Variants in RNF130 observed in about 807,000 individuals in gnomAD.
The protein encoded by RNF130 is E3 ubiquitin-protein ligase RNF130.
In RNF130, 21 loss-of-function variants were observed where a neutral mutation model predicts 44.6. That is an observed-to-expected ratio of 0.47 (90% CI 0.33 to 0.68). The LOEUF is 0.68. RNF130 is among the 30% of genes least tolerant of loss of function. The probability of loss-of-function intolerance (pLI) is 0.02; values close to 1 mark genes in which losing one functional copy is unlikely to be tolerated. For missense variants in RNF130, 479 were observed against 560.6 expected, an observed-to-expected ratio of 0.85 and a Z score of 1.47; for synonymous variants, 214 against 210.4, an observed-to-expected ratio of 1.02 and a Z score of -0.15.
chr5:180,071,530 C>A lies in RNF130; in HGVS notation c.173G>T (p.Arg58Leu). The change falls in exon 1 of 9, where the codon CGC becomes CTC. Residue 58 changes from arginine to leucine, a missense_variant. Around this residue, in one of 3 missense-constraint regions of RNF130, gnomAD observed 138 missense variants for 126.9 expected, o/e 1.09. Transcript: ENST00000521389. ...GGGGGAGTCAAGCCCGTAGCGCCCG[C>A]GGTCGATGCGAAACGTGAGCGGGGC... is the stretch of plus-strand genomic sequence containing the variant. ...RGAPLTFRID[R>L]GRYGLDSPKA... 1 of 1,376,126 alleles carries A rather than the reference C, an allele frequency of 7.3e-7. No individual in the cohort carries two copies. The highest frequency in any genetic ancestry group is 1.9e-5 in the South Asian group (1 of 53,248). The allele number at this position is 1,376,126 out of a possible 1,614,324, so 85.2% of individuals were successfully genotyped here.
intron 1 of RNF130, among the ~76,000 whole-genome samples, chr5:180,066,468 C>T (rs1765109615): frequency 6.6e-6 from 1 of 152,172 alleles, no homozygotes; most frequent in South Asian, 2.1e-4. Context: ...GACTAATATA[C>T]TCCCCAACAT....
At chr5:179,953,763 A>T (rs1468859797), downstream of RNF130, among the ~76,000 whole-genome samples, 1 of 152,236 alleles carries the variant, frequency 6.6e-6, no homozygotes, top group Non-Finnish European at 1.5e-5. Flanking sequence ...AACATATTCA[A>T]CTTCATCTAA....
intron 1 of RNF130, among the ~76,000 whole-genome samples, chr5:180,050,954 C>T (rs1050471212): frequency 6.6e-6 from 1 of 152,036 alleles, no homozygotes; most frequent in Admixed American, 6.6e-5. Context: ...CAGGCATGCA[C>T]CACCATGCCT....
At chr5:180,048,533 G>A (rs1401986463) in intron 1 of RNF130, among the ~76,000 whole-genome samples, 1 of 152,152 alleles carries the variant, frequency 6.6e-6, no homozygotes, top group Admixed American at 6.5e-5. Flanking sequence ...AGCACTTTGG[G>A]AGGCTGAGGT....
chr5:180,061,000 G>C (rs1764972188), intron 1 of RNF130, among the ~76,000 whole-genome samples: 1 of 151,254 alleles, frequency 6.6e-6, no homozygotes, highest in Non-Finnish European at 1.5e-5. Context: ...ACCCCGGGGG[G>C]GCGGAGCCTG....
At chr5:180,042,314 A>T (rs934289634) in intron 1 of RNF130, among the ~76,000 whole-genome samples, 1 of 152,220 alleles carries the variant, frequency 6.6e-6, no homozygotes, top group African/African-American at 2.4e-5. Context: ...GAGGTCTCCT[A>T]ATACATGAAA....
chr5:180,051,751 T>G (rs868645739), intron 1 of RNF130, among the ~76,000 whole-genome samples: 16 of 152,186 alleles, frequency 1.1e-4, no homozygotes, highest in African/African-American at 2.7e-4. Context: ...CGCAAATATA[T>G]CTGTTGGATG....
chr5:180,064,357 T>A (rs1765050475), intron 1 of RNF130, among the ~76,000 whole-genome samples: 1 of 152,162 alleles, frequency 6.6e-6, no homozygotes, highest in African/African-American at 2.4e-5. Flanking sequence ...CATGCATCTA[T>A]GAAAAAAGCA....
intron 3 of RNF130, among the ~76,000 whole-genome samples, chr5:179,985,413 T>C (rs974529811): frequency 2.0e-5 from 3 of 152,150 alleles, no homozygotes; most frequent in African/African-American, 7.2e-5. Flanking sequence ...CTGTGCATAC[T>C]AAGCCGTAAG....
intron 3 of RNF130, among the ~76,000 whole-genome samples, chr5:180,011,807 A>G (rs999770636): frequency 6.6e-6 from 1 of 152,180 alleles, no homozygotes; most frequent in African/African-American, 2.4e-5. Context: ...GTATAGTTAC[A>G]TAGAAAAGGA....
At chr5:180,037,312 C>G (rs1421570539) in intron 2 of RNF130, among the ~76,000 whole-genome samples, 2 of 152,220 alleles carry the variant, frequency 1.3e-5, no homozygotes, top group Non-Finnish European at 2.9e-5. Context: ...AATCTGCCCG[C>G]TGGCTCTCAC....
intron 7 of RNF130, among the ~76,000 whole-genome samples, chr5:179,944,558 G>C (rs1378977569): frequency 6.6e-6 from 1 of 151,986 alleles, no homozygotes; most frequent in African/African-American, 2.4e-5. Context: ...CCACCTTCCG[G>C]GTTCAAGCAA....
intron 8 of RNF130, among the ~76,000 whole-genome samples, chr5:179,961,035 G>C (rs1467228949): frequency 6.6e-6 from 1 of 151,808 alleles, no homozygotes; most frequent in Non-Finnish European, 1.5e-5. Flanking sequence ...CATTGGGTAA[G>C]AGTACTATTA....
rs192121251 is a variant in RNF130 at position 180,047,925 on chromosome 5, C to T, written c.248-7278G>A. Among the ~76,000 whole-genome samples, 13 of 152,120 alleles carry T rather than the reference C, an allele frequency of 8.5e-5. No individual in the cohort carries two copies. The East Asian group carries it at 1.2e-3, about 14-fold the overall frequency. ...CCTCCAGTCGAACCTTCAATACTGA[C>T]GCTCCCGAGTACTCTGCCTTCCCTG... On this transcript the variant is annotated intron_variant, in intron 1 of 8. Coordinates refer to ENST00000521389, the MANE Select transcript of RNF130 (RefSeq NM_018434.6).
intron 7 of RNF130, among the ~76,000 whole-genome samples, chr5:179,966,208 G>C (rs1309905518): frequency 3.9e-5 from 6 of 152,094 alleles, no homozygotes; most frequent in African/African-American, 1.2e-4. Flanking sequence ...ATGTGAAGAC[G>C]TTCATAACTA....
intron 2 of RNF130, among the ~76,000 whole-genome samples, chr5:180,029,240 A>G (rs1764067442): frequency 6.6e-6 from 1 of 152,250 alleles, no homozygotes; most frequent in African/African-American, 2.4e-5. Flanking sequence ...ATTATTAAAT[A>G]TGATTTTGGA....
chr5:180,067,848 T>A (rs1276760923), intron 1 of RNF130, among the ~76,000 whole-genome samples: 1 of 152,166 alleles, frequency 6.6e-6, no homozygotes, highest in Non-Finnish European at 1.5e-5. Flanking sequence ...CCAAATCCTG[T>A]TTTCGCATCA....
intron 3 of RNF130, among the ~76,000 whole-genome samples, chr5:180,004,642 T>C (rs1763422805): frequency 6.6e-6 from 1 of 152,258 alleles, no homozygotes; most frequent in South Asian, 2.1e-4. Context: ...ATGTTTGAAT[T>C]GGCAGAAAAC....
chr5:179,957,388 G>C (rs1424230029), intron 8 of RNF130, among the ~76,000 whole-genome samples: 2 of 152,164 alleles, frequency 1.3e-5, no homozygotes, highest in African/African-American at 4.8e-5. Flanking sequence ...CTCCAGCCTG[G>C]GTGAGAGAGC....
Sources: gnomAD v4.1 joint callset for allele counts (sites outside exome capture counted in the v4.1 genomes callset) on GRCh38, gnomAD v4.1.1 for gene constraint, gnomAD v4.1.1 regional missense constraint, MANE v1.5 for transcripts, NCBI Gene and HGNC (gene_info 2026-07-23, HGNC 2026-07-21) for gene names.